Variants in OCLN observed in about 807,000 individuals in gnomAD.
OCLN encodes the protein occludin.
A neutral mutation model predicts 47.9 loss-of-function variants in OCLN; 21 were observed. The observed-to-expected ratio is 0.44, with a 90% CI of 0.31 to 0.63. The LOEUF (loss-of-function observed/expected upper bound fraction) is 0.63, where lower values mean the gene tolerates loss of function less well. Ranked by LOEUF, OCLN falls within the 30% of genes least tolerant of loss-of-function variation. The pLI, the probability that OCLN is intolerant of heterozygous loss-of-function variation, is 0.08. For synonymous variants in OCLN, 117 were observed against 198.4 expected, an observed-to-expected ratio of 0.59 and a Z score of 3.45; for missense variants, 360 against 571.0, an observed-to-expected ratio of 0.63 and a Z score of 3.77.
At position 69,555,259 on chromosome 5, in the gene OCLN, G is replaced by GTGTGT. The variant is rs1251381956; in HGVS notation, c.*1589_*1590insGTGTT. 1.5e-5 allele frequency: 1 copy of GTGTGT among 66,346 alleles called. No homozygotes were observed. Among genetic ancestry groups the GTGTGT allele is most frequent in the African/African-American group, 6.9e-5 (1 of 14,444 alleles). The allele number at this position is 66,346 out of a possible 1,614,324, so 4.1% of individuals were successfully genotyped here. A position where few individuals can be genotyped will look rare whatever the true frequency, so the allele number is the denominator to read the frequency against. On this transcript the variant is annotated 3_prime_UTR_variant, in exon 9 of 9. Coordinates refer to ENST00000396442, the MANE Select transcript of OCLN (RefSeq NM_001205254.2). The stretch of plus-strand genomic sequence containing the variant: ...TAAGTGTGTGTGTGTGTGTGTGTGT[G>GTGTGT]TATTTTTTTTTTTTTTTTTTTGAGA...
At chr5:69,525,967 C>G (rs1388076510) in intron 4 of OCLN, among the ~76,000 whole-genome samples, 1 of 152,144 alleles carries the variant, frequency 6.6e-6, no homozygotes, top group Non-Finnish European at 1.5e-5. Flanking sequence ...TTTTATGACA[C>G]CTGGACCAGA....
chr5:69,509,754 C>T lies in OCLN; in HGVS notation c.664C>T (p.Pro222Ser). ...IYALCNQFYT[P>S]AATGLYVDQY... is the part of the protein sequence containing the mutation. ...TGCCCTCTGCAACCAATTTTATACA[C>T]CTGCAGCTACTGGACTCTACGTGGA... Residue 222 changes from proline (P) to serine (S), a missense_variant, in exon 3 of 9, where the codon CCT becomes TCT. Physicochemically the swap from Pro to Ser is moderately conservative, Grantham distance 74. Transcript: ENST00000396442. 1 of 1,614,096 alleles carries T rather than the reference C, an allele frequency of 6.2e-7. No homozygotes were observed. The highest frequency in any genetic ancestry group is 1.7e-5 in the Admixed American group (1 of 60,022).
intron 1 of OCLN, among the ~76,000 whole-genome samples, chr5:69,498,100 C>G (rs1306265291): frequency 1.3e-5 from 2 of 151,912 alleles, no homozygotes; most frequent in Admixed American, 6.6e-5. Context: ...CCACTGCACT[C>G]CAGCCTGGGC....
rs1042971610 is a variant in OCLN at position 69,553,845 on chromosome 5, T to C, written c.*174T>C. 12 of 747,546 alleles carry C rather than the reference T, an allele frequency of 1.6e-5. No individual in the cohort carries two copies. Among genetic ancestry groups the C allele is most frequent in the Admixed American group, 1.1e-4 (4 of 37,882 alleles). The allele number at this position is 747,546 out of a possible 1,614,324, so 46.3% of individuals were successfully genotyped here. ...GCATTTTATAAATCGCTTTTGATAA[T>C]CAACTGGGCTGAACACTCCAATTAA... On this transcript the variant is annotated 3_prime_UTR_variant, in exon 9 of 9. Coordinates refer to ENST00000396442, the MANE Select transcript of OCLN (RefSeq NM_001205254.2).
intron 2 of OCLN, 54 bp downstream of exon 2, chr5:69,504,348 CAAT>C (rs1768538382): frequency 1.2e-5 from 13 of 1,041,990 alleles, no homozygotes. Context: ...CACATGTAAA[CAAT>C]AAGTATGGTT....
At chr5:69,514,339 G>GA (rs1768867579) in intron 4 of OCLN, among the ~76,000 whole-genome samples, 1 of 152,034 alleles carries the variant, frequency 6.6e-6, no homozygotes, top group Non-Finnish European at 1.5e-5. Context: ...GTTTTGAAAA[G>GA]AAATGGCTTC....
chr5:69,505,013 G>A (rs1208698769), intron 2 of OCLN, among the ~76,000 whole-genome samples: 1 of 152,150 alleles, frequency 6.6e-6, no homozygotes, highest in African/African-American at 2.4e-5. Flanking sequence ...ACTTTGGGAG[G>A]CCGAGGCGGG....
rs921019094 is a variant in OCLN at position 69,493,583 on chromosome 5, C to A, written c.-69+683C>A. The stretch of plus-strand genomic sequence containing the variant: ...GAGTGAGGCTGGACTTCGAGGGAAG[C>A]TGCTCACGCTTCGGATTCTCATCCG... On this transcript the variant is annotated intron_variant, in intron 1 of 8. Coordinates refer to ENST00000396442, the MANE Select transcript of OCLN (RefSeq NM_001205254.2). The surrounding 1 kb of genome is among the most constrained non-coding windows in gnomAD (Gnocchi z 5.3). Among the ~76,000 whole-genome samples, 7 of 152,160 alleles carry A rather than the reference C, an allele frequency of 4.6e-5. No individual in the cohort carries two copies. In the South Asian group the frequency reaches 8.3e-4, roughly 18 times the overall value.
At position 69,493,558 on chromosome 5, in the gene OCLN, G is replaced by T. The variant is rs1187872923; in HGVS notation, c.-69+658G>T. On this transcript the variant is annotated intron_variant, in intron 1 of 8. Transcript: ENST00000396442. The surrounding 1 kb of genome is among the most constrained non-coding windows in gnomAD (Gnocchi z 5.3). ...AGCTGGGGGGCGGGGAGTTAATTTC[G>T]AGTGAGGCTGGACTTCGAGGGAAGC... Among the ~76,000 whole-genome samples the T allele has an allele frequency of 2.0e-5, 3 of 152,132 alleles. No individual in the cohort carries two copies. Among genetic ancestry groups the T allele is most frequent in the East Asian group, 3.9e-4 (2 of 5,172 alleles).
At chr5:69,513,437 T>C (rs532856648) in intron 3 of OCLN, among the ~76,000 whole-genome samples, 1 of 152,352 alleles carries the variant, frequency 6.6e-6, no homozygotes, top group South Asian at 2.1e-4. Context: ...GATAGAGATC[T>C]ATGGACAGAA....
At chr5:69,505,147 G>A (rs1211034391) in intron 2 of OCLN, among the ~76,000 whole-genome samples, 2 of 152,218 alleles carry the variant, frequency 1.3e-5, no homozygotes, top group East Asian at 3.9e-4. Context: ...CTATTTGGGA[G>A]GCTGAGACAG....
chr5:69,532,213 C>T (rs1299380467), intron 4 of OCLN, among the ~76,000 whole-genome samples: 1 of 151,844 alleles, frequency 6.6e-6, no homozygotes, highest in Non-Finnish European at 1.5e-5. Flanking sequence ...TGGGGTGAGC[C>T]CAGATAATCT....
intron 4 of OCLN, among the ~76,000 whole-genome samples, chr5:69,517,611 C>T (rs1281080319): frequency 6.6e-6 from 1 of 152,070 alleles, no homozygotes; most frequent in Non-Finnish European, 1.5e-5. Flanking sequence ...ATCTTGAAGG[C>T]TTAGCTCTAA....
chr5:69,494,694 T>C (rs1768245017), intron 1 of OCLN, among the ~76,000 whole-genome samples: 1 of 152,194 alleles, frequency 6.6e-6, no homozygotes. Context: ...TTCCAGGCCA[T>C]TTCGGGAAAT....
rs74685401 is a variant in OCLN, at chr5:69,513,021, G to A, written c.730-927G>A. On this transcript the variant is annotated intron_variant, in intron 3 of 8. Transcript: ENST00000396442. The stretch of plus-strand genomic sequence containing the variant: ...TTCCCTGCAGACGTAGGTTTTCACA[G>A]TGCTCGTTGTTGCCATTTAGACATG... Among the ~76,000 whole-genome samples the A allele has an allele frequency of 5.9e-3, 897 of 152,270 alleles. 11 individuals carry two copies. Among genetic ancestry groups the A allele is most frequent in the African/African-American group, 0.021 (856 of 41,542 alleles).
chr5:69,505,106 C>T (rs938916380), intron 2 of OCLN, among the ~76,000 whole-genome samples: 5 of 151,510 alleles, frequency 3.3e-5, no homozygotes, highest in Middle Eastern at 3.2e-3. Flanking sequence ...CAAAATTAGC[C>T]GGGCATGGTG....
At chr5:69,549,340 CAAAAAAAAAAAA>C (rs1172698181) in intron 7 of OCLN, among the ~76,000 whole-genome samples, 45 of 51,534 alleles carry the variant, frequency 8.7e-4, no homozygotes, top group African/African-American at 3.6e-3. Flanking sequence ...GACTCCATCT[CAAAAAAAAAAAA>C]AAAAAAAAAA....
intron 5 of OCLN, among the ~76,000 whole-genome samples, chr5:69,535,719 A>G (rs1769563281): frequency 1.4e-5 from 2 of 142,698 alleles, no homozygotes; most frequent in South Asian, 2.4e-4. Flanking sequence ...TCTTGCTTTT[A>G]CGCTACAAAT....
intron 5 of OCLN, among the ~76,000 whole-genome samples, chr5:69,535,077 CACTT>C (rs1485489336): frequency 6.6e-6 from 1 of 152,218 alleles, no homozygotes; most frequent in African/African-American, 2.4e-5. Flanking sequence ...TGCTTCTTTT[CACTT>C]ACTTGTTTAA....
Sources: allele counts gnomAD v4.1 joint callset (sites outside exome capture counted in the v4.1 genomes callset), GRCh38; gene constraint gnomAD v4.1.1; non-coding constraint Gnocchi (gnomAD v3.1); transcripts MANE v1.5; gene names NCBI Gene and HGNC (gene_info 2026-07-23, HGNC 2026-07-21).